Variants in GULP1 observed in about 807,000 individuals in gnomAD.
GULP1 encodes the protein PTB domain-containing engulfment adapter protein 1.
Under a neutral mutation model 40.9 loss-of-function variants are expected in GULP1, and 19 were observed. That is an observed-to-expected ratio of 0.46 (90% CI 0.32 to 0.68). The LOEUF is 0.68. GULP1 is among the 30% of genes least tolerant of loss of function. The pLI, the probability that GULP1 is intolerant of heterozygous loss-of-function variation, is 0.03. For missense variants in GULP1, 312 were observed against 362.2 expected (o/e 0.86, Z 1.12); for synonymous variants, 119 against 117.6 (o/e 1.01, Z -0.08).
At chr2:188,367,193 A>C (rs895421716) in intron 1 of GULP1, among the ~76,000 whole-genome samples, 4 of 152,204 alleles carry the variant, frequency 2.6e-5, no homozygotes, top group Admixed American at 2.6e-4. Flanking sequence ...TGGTTAAATG[A>C]ATACATTTCA....
chr2:188,556,487 T>G (rs1694795532), intron 7 of GULP1, among the ~76,000 whole-genome samples: 1 of 152,190 alleles, frequency 6.6e-6, no homozygotes, highest in Non-Finnish European at 1.5e-5. Flanking sequence ...TCTTTTGTAT[T>G]TCACTGAGCT....
intron 1 of GULP1, among the ~76,000 whole-genome samples, chr2:188,328,544 A>G (rs2041087119): frequency 2.0e-5 from 3 of 152,142 alleles, no homozygotes; most frequent in African/African-American, 4.8e-5. Flanking sequence ...TTATCCTTCA[A>G]CATAAATTCC....
In GULP1 at chr2:188,593,929, C is replaced by T; in HGVS notation, c.844-11C>T. 6.8e-7 allele frequency: 1 copy of T among 1,476,678 alleles called. No homozygotes were observed. The highest frequency in any genetic ancestry group is 9.5e-7 in the Non-Finnish European group (1 of 1,058,044). 91.5% of individuals were successfully genotyped at this position (1,476,678 alleles called of 1,614,324 possible). A position where few individuals can be genotyped will look rare whatever the true frequency, so the allele number is the denominator to read the frequency against. On this transcript the variant is annotated splice_polypyrimidine_tract_variant and intron_variant, in intron 11 of 11. Coordinates refer to ENST00000409830, the MANE Select transcript of GULP1 (RefSeq NM_016315.4). Reference sequence around the variant, plus strand: ...CATTTCAGATATTAATTATTTTATTCTGTTTTACAGGAGGGGTTCAAAATG... The same window carrying T: ...CATTTCAGATATTAATTATTTTATTTTGTTTTACAGGAGGGGTTCAAAATG...
chr2:188,581,793 A>G lies in GULP1; in HGVS notation c.610-2472A>G, dbSNP rs572686698. 5.8e-4 allele frequency among the ~76,000 whole-genome samples: 88 copies of G among 152,340 alleles called. 3 individuals are homozygous for G. The South Asian group carries it at 0.018, about 32-fold the overall frequency. On this transcript the variant is annotated intron_variant, in intron 9 of 11. Transcript: ENST00000409830. ...CTGCTTTCTACCTCATACAAGTCAC[A>G]AAGAATCTGTGGACCTTAATTCCCA... is the stretch of plus-strand genomic sequence containing the variant.
chr2:188,568,431 T>C (rs1353456633), intron 7 of GULP1, among the ~76,000 whole-genome samples: 3 of 152,182 alleles, frequency 2.0e-5, no homozygotes, highest in South Asian at 2.1e-4. Context: ...AGTGGAGATA[T>C]GAATGGAGAA....
At chr2:188,446,888 C>A (rs1013670113) in intron 2 of GULP1, among the ~76,000 whole-genome samples, 7 of 151,992 alleles carry the variant, frequency 4.6e-5, no homozygotes, top group Non-Finnish European at 8.8e-5. Context: ...CAAAAAGAGT[C>A]AAACTCTGTA....
At chr2:188,432,534 T>C (rs2056985206) in intron 2 of GULP1, among the ~76,000 whole-genome samples, 1 of 152,030 alleles carries the variant, frequency 6.6e-6, no homozygotes, top group Admixed American at 6.6e-5. Context: ...GAATATCTTT[T>C]TTATCAAAAA....
intron 1 of GULP1, among the ~76,000 whole-genome samples, chr2:188,362,993 G>T (rs1032252778): frequency 6.6e-6 from 1 of 152,002 alleles, no homozygotes. Context: ...AATATGAATC[G>T]TAAAGAAAGG....
chr2:188,506,240 T>C (rs1200500842), intron 4 of GULP1, among the ~76,000 whole-genome samples: 1 of 151,952 alleles, frequency 6.6e-6, no homozygotes, highest in Non-Finnish European at 1.5e-5. Context: ...CTATTAAATT[T>C]AAGATTTTCA....
At chr2:188,447,424 G>A (rs890524667) in intron 2 of GULP1, among the ~76,000 whole-genome samples, 6 of 152,052 alleles carry the variant, frequency 3.9e-5, no homozygotes, top group African/African-American at 1.2e-4. Context: ...TGGTTGGGGG[G>A]CCTTATAAGT....
intron 7 of GULP1, among the ~76,000 whole-genome samples, chr2:188,555,692 T>G (rs1422451728): frequency 6.6e-6 from 1 of 152,182 alleles, no homozygotes; most frequent in Non-Finnish European, 1.5e-5. Flanking sequence ...GGTGACTGCC[T>G]TTTCGTTTTG....
At chr2:188,451,783 A>G (rs1204895535) in intron 2 of GULP1, among the ~76,000 whole-genome samples, 1 of 152,128 alleles carries the variant, frequency 6.6e-6, no homozygotes, top group Admixed American at 6.5e-5. Flanking sequence ...AAAATAAAAA[A>G]GAATACATTT....
chr2:188,320,673 T>A (rs929033937), intron 1 of GULP1, among the ~76,000 whole-genome samples: 21 of 152,146 alleles, frequency 1.4e-4, no homozygotes, highest in African/African-American at 5.1e-4. Context: ...AGATGCTGCA[T>A]CATAAAGTTT....
intron 7 of GULP1, among the ~76,000 whole-genome samples, chr2:188,560,232 A>C (rs2153407975): frequency 6.6e-6 from 1 of 152,310 alleles, no homozygotes; most frequent in East Asian, 1.9e-4. Context: ...GTTGCTTAGA[A>C]ATTTCTTCCT....
At chr2:188,425,506 C>G (rs749476620) in intron 2 of GULP1, among the ~76,000 whole-genome samples, 1 of 152,058 alleles carries the variant, frequency 6.6e-6, no homozygotes, top group Non-Finnish European at 1.5e-5. Flanking sequence ...AGTCAGAGTT[C>G]TTTTTTCTTT....
intron 2 of GULP1, among the ~76,000 whole-genome samples, chr2:188,440,373 A>C (rs952988159): frequency 1.3e-5 from 2 of 152,176 alleles, no homozygotes; most frequent in East Asian, 3.9e-4. Context: ...AAAAGTTACC[A>C]ATGGGGAATA....
intron 2 of GULP1, among the ~76,000 whole-genome samples, chr2:188,420,177 T>C (rs1319671263): frequency 6.6e-6 from 1 of 152,180 alleles, no homozygotes; most frequent in Non-Finnish European, 1.5e-5. Flanking sequence ...GGGGTTTTTG[T>C]GGTTTCATAT....
At chr2:188,534,438 G>T (rs1256010277) in intron 6 of GULP1, among the ~76,000 whole-genome samples, 1 of 151,948 alleles carries the variant, frequency 6.6e-6, no homozygotes, top group African/African-American at 2.4e-5. Flanking sequence ...TACTTATACT[G>T]GGTACTCATG....
chr2:188,420,450 T>C (rs113094772), intron 2 of GULP1, among the ~76,000 whole-genome samples: 3 of 152,258 alleles, frequency 2.0e-5, no homozygotes, highest in African/African-American at 7.2e-5. Flanking sequence ...TTCACTCCTG[T>C]AGTTTGGTGG....
Sources: allele counts gnomAD v4.1 joint callset (sites outside exome capture counted in the v4.1 genomes callset), GRCh38; gene constraint gnomAD v4.1.1; transcripts MANE v1.5; gene names NCBI Gene and HGNC (gene_info 2026-07-23, HGNC 2026-07-21).